The following KLHDC2 variants were observed in gnomAD, a reference collection of about 807,000 sequenced individuals.
The protein encoded by KLHDC2 is kelch domain-containing protein 2.
In KLHDC2, 38 loss-of-function variants were observed where a neutral mutation model predicts 62.3. The observed-to-expected ratio is 0.61, with a 90% CI of 0.47 to 0.80. KLHDC2 has a LOEUF of 0.80. KLHDC2 is among the 30% of genes least tolerant of loss of function. KLHDC2 has a pLI of 0.00. For synonymous variants in KLHDC2, 159 were observed against 161.0 expected, an observed-to-expected ratio of 0.99 and a Z score of 0.09; for missense variants, 430 against 495.3, an observed-to-expected ratio of 0.87 and a Z score of 1.25.
rs1889584039 is a variant in KLHDC2 at position 49,768,261 on chromosome 14, G to A, written c.-208G>A. ...GGCTCCGCTCGCGGCCCCTCTGTCTGCAGGCGTGCCCCGGCGGCGGCGGAG... is the reference window on the plus strand; with the variant it reads ...GGCTCCGCTCGCGGCCCCTCTGTCTACAGGCGTGCCCCGGCGGCGGCGGAG... On this transcript the variant is annotated 5_prime_UTR_variant, in exon 1 of 13. Transcript: ENST00000298307. 1.4e-5 allele frequency: 7 copies of A among 501,172 alleles called. No homozygotes were observed. The East Asian group carries it at 2.3e-4, about 16-fold the overall frequency. The allele number at this position is 501,172 out of a possible 1,614,324, so 31.0% of individuals were successfully genotyped here. A position where few individuals can be genotyped will look rare whatever the true frequency, so the allele number is the denominator to read the frequency against.
At chr14:49,782,054 A>G (rs1889927646) in intron 10 of KLHDC2, 1 of 262,152 alleles carries the variant, frequency 3.8e-6, no homozygotes, top group South Asian at 1.5e-4. Flanking sequence ...GGCCCTACCT[A>G]TGGAAGAAGA....
At chr14:49,773,232 T>C (rs1889699791) in intron 2 of KLHDC2, among the ~76,000 whole-genome samples, 1 of 150,194 alleles carries the variant, frequency 6.7e-6, no homozygotes, top group South Asian at 2.1e-4. Flanking sequence ...GCTAACATGG[T>C]GAAACCCTGT....
intron 2 of KLHDC2, among the ~76,000 whole-genome samples, chr14:49,774,263 A>G (rs1002474879): frequency 1.3e-5 from 2 of 152,246 alleles, no homozygotes; most frequent in Non-Finnish European, 2.9e-5. Context: ...ATAGCAAACA[A>G]TTTAGTCTGA....
intron 6 of KLHDC2, 67 bp downstream of exon 6, chr14:49,778,561 G>GGGGGGGGA: frequency 3.4e-6 from 1 of 297,526 alleles, no homozygotes; most frequent in South Asian, 2.8e-5. Context: ...TGGGGTAGGG[G>GGGGGGGGA]AGAGGGGTGC....
Position 49,779,677 on chromosome 14 carries a change from T to C in KLHDC2, c.714+2T>C. Reference sequence around the variant, plus strand: ...TTCGTGTTTGGAGGCAGATATCGAGTAAGTATTCAAACGACTTCAATGACT... The same window carrying C: ...TTCGTGTTTGGAGGCAGATATCGAGCAAGTATTCAAACGACTTCAATGACT... On this transcript the variant is annotated splice_donor_variant, in intron 7 of 12. Coordinates refer to ENST00000298307, the MANE Select transcript of KLHDC2 (RefSeq NM_014315.3). LOFTEE classifies it high-confidence loss of function. 6.2e-7 allele frequency: 1 copy of C among 1,613,752 alleles called. No homozygotes were observed. Among genetic ancestry groups the C allele is most frequent in the Non-Finnish European group, 8.5e-7 (1 of 1,179,624 alleles).
At chr14:49,778,375 C>A in intron 5 of KLHDC2, 36 bp from the exon 6 acceptor site, 5 of 1,370,068 alleles carry the variant, frequency 3.6e-6, no homozygotes, top group South Asian at 2.5e-5. Context: ...TTATAAATAT[C>A]ATTTCTAAAA....
intron 3 of KLHDC2, among the ~76,000 whole-genome samples, chr14:49,776,432 C>T (rs1350468082): frequency 6.6e-6 from 1 of 152,066 alleles, no homozygotes; most frequent in Admixed American, 6.6e-5. Flanking sequence ...GATGTGAACC[C>T]TTTAAAGGAA....
At position 49,784,930 on chromosome 14, in the gene KLHDC2, C is replaced by T. The variant is rs147005875; in HGVS notation, c.*1977C>T. ...TTTCTGAAGGAGAACTTTACCTTTA[C>T]GCTGCGGAATAAGTCTTTTTCTCTT... On this transcript the variant is annotated 3_prime_UTR_variant, in exon 13 of 13. Transcript: ENST00000298307. The T allele has an allele frequency of 1.9e-5, 30 of 1,612,730 alleles. No homozygotes were observed. Among genetic ancestry groups the T allele is most frequent in the African/African-American group, 8.0e-5 (6 of 74,880 alleles).
intron 8 of KLHDC2, 27 bp from the exon 9 acceptor site, chr14:49,780,186 A>T (rs1177165970): frequency 7.5e-7 from 1 of 1,329,964 alleles, no homozygotes; most frequent in East Asian, 2.3e-5. Context: ...CTAAATGCAG[A>T]TATTGTAACT....
chr14:49,772,430 G>T (rs980946960), intron 2 of KLHDC2, among the ~76,000 whole-genome samples: 3 of 152,132 alleles, frequency 2.0e-5, no homozygotes, highest in African/African-American at 7.2e-5. Context: ...AAACCAAAAT[G>T]ACCTCCAGTT....
intron 3 of KLHDC2, among the ~76,000 whole-genome samples, chr14:49,777,394 T>G (rs146947353): frequency 6.6e-6 from 1 of 151,932 alleles, no homozygotes; most frequent in Non-Finnish European, 1.5e-5. Context: ...CCAAAACCTA[T>G]TGAGATAAAA....
intron 8 of KLHDC2, 22 bp from the exon 9 acceptor site, chr14:49,780,191 G>T: frequency 7.1e-7 from 1 of 1,411,632 alleles, no homozygotes; most frequent in Non-Finnish European, 1.0e-6. Flanking sequence ...TGCAGATATT[G>T]TAACTTAGCT....
chr14:49,785,355 T>A lies in KLHDC2; in HGVS notation c.*2402T>A. 7.0e-7 allele frequency: 1 copy of A among 1,429,700 alleles called. No homozygotes were observed. Among genetic ancestry groups the A allele is most frequent in the Non-Finnish European group, 9.9e-7 (1 of 1,012,826 alleles). 88.6% of individuals were successfully genotyped at this position (1,429,700 alleles called of 1,614,324 possible). On this transcript the variant is annotated 3_prime_UTR_variant, in exon 13 of 13. Transcript: ENST00000298307. Reference sequence around the variant, plus strand: ...GAAAATAACAGTTACAAAGGCAATTTATACCGCCCTTTACAAAAAATGCTA... The same window carrying A: ...GAAAATAACAGTTACAAAGGCAATTAATACCGCCCTTTACAAAAAATGCTA...
rs1292732947 is a variant in KLHDC2, at chr14:49,784,005, G to GT, written c.*1055dup. 6.6e-6 allele frequency: 1 copy of GT among 151,902 alleles called. No homozygotes were observed. The highest frequency in any genetic ancestry group is 1.5e-5 in the Non-Finnish European group (1 of 67,956). The allele number at this position is 151,902 out of a possible 1,614,324, so 9.4% of individuals were successfully genotyped here. A position where few individuals can be genotyped will look rare whatever the true frequency, so the allele number is the denominator to read the frequency against. On this transcript the variant is annotated 3_prime_UTR_variant, in exon 13 of 13. Coordinates refer to ENST00000298307, the MANE Select transcript of KLHDC2 (RefSeq NM_014315.3). ...ATACAGTAGACTTACCAAGTCAATA[G>GT]TTTAAGCAATCAAGCCACTTCACTG...
In KLHDC2 at chr14:49,778,490, C is replaced by G; in HGVS notation, c.629C>G (p.Thr210Ser). 1 of 1,349,346 alleles carries G rather than the reference C, an allele frequency of 7.4e-7. No homozygotes were observed. The highest frequency in any genetic ancestry group is 2.0e-5 in the Admixed American group (1 of 50,618). 83.6% of individuals were successfully genotyped at this position (1,349,346 alleles called of 1,614,324 possible). Residue 210 changes from threonine to serine, a missense_variant, in exon 6 of 13, where the codon ACT (threonine) becomes AGT (serine). Coordinates refer to ENST00000298307, the MANE Select transcript of KLHDC2 (RefSeq NM_014315.3). ...ACATTTACCTGGAGCCAGCCTATAA[C>G]TACTGTGAGTTACTAAAGAATAATG... Reference protein sequence around the residue: ...TETFTWSQPITTGKAPSPRAA... With the variant: ...TETFTWSQPISTGKAPSPRAA...
chr14:49,780,432 G>A, intron 9 of KLHDC2, 110 bp downstream of exon 9: 1 of 771,558 alleles, frequency 1.3e-6, no homozygotes, highest in Non-Finnish European at 2.2e-6. Context: ...TTGGTTGGAA[G>A]GTTTGAAATT....
rs1428302016 is a variant in KLHDC2 at position 49,785,107 on chromosome 14, G to A, written c.*2154G>A. Reference sequence around the variant, plus strand: ...ATTTAAATACCTTTTCCCTTTTTCTGCACTCCAGGAGTAAGTTTCACTTTA... The same window carrying A: ...ATTTAAATACCTTTTCCCTTTTTCTACACTCCAGGAGTAAGTTTCACTTTA... On this transcript the variant is annotated 3_prime_UTR_variant, in exon 13 of 13. Coordinates refer to ENST00000298307, the MANE Select transcript of KLHDC2 (RefSeq NM_014315.3). The A allele has an allele frequency of 6.2e-7, 1 of 1,604,858 alleles. No individual in the cohort carries two copies. Among genetic ancestry groups the A allele is most frequent in the South Asian group, 1.1e-5 (1 of 90,846 alleles).
chr14:49,768,533 A>T lies in KLHDC2; in HGVS notation c.65A>T (p.Glu22Val), dbSNP rs567508524. ...CCTGGGCCAGCCTTCGAGAGCTATGAGTCCATGGAGCTTGCCTGCCCCGCT... is the reference window on the plus strand; with the variant it reads ...CCTGGGCCAGCCTTCGAGAGCTATGTGTCCATGGAGCTTGCCTGCCCCGCT... Reference protein sequence around the residue: ...DLPGPAFESYESMELACPAER... With the variant: ...DLPGPAFESYVSMELACPAER... Residue 22 changes from glutamate (E) to valine (V), a missense_variant, in exon 1 of 13, where the codon GAG (glutamate) becomes GTG (valine). Coordinates refer to ENST00000298307, the MANE Select transcript of KLHDC2 (RefSeq NM_014315.3). 6.2e-7 allele frequency: 1 copy of T among 1,610,898 alleles called. No individual in the cohort carries two copies. The highest frequency in any genetic ancestry group is 8.5e-7 in the Non-Finnish European group (1 of 1,178,984).
intron 1 of KLHDC2, among the ~76,000 whole-genome samples, chr14:49,769,267 C>G (rs1661822870): frequency 6.6e-6 from 1 of 152,196 alleles, no homozygotes. Context: ...GAGTGCAGCT[C>G]TTTGACTCTC....
Sources: gnomAD v4.1 joint callset for allele counts (sites outside exome capture counted in the v4.1 genomes callset) on GRCh38, gnomAD v4.1.1 for gene constraint, MANE v1.5 for transcripts, NCBI Gene and HGNC (gene_info 2026-07-23, HGNC 2026-07-21) for gene names.